Variants in EYS observed in about 807,000 individuals in gnomAD.
EYS encodes protein eyes shut homolog.
EYS carries 250 observed loss-of-function variants against 282.1 expected under a neutral mutation model. That is an observed-to-expected ratio of 0.89 (90% CI 0.80 to 0.98). EYS has a LOEUF of 0.98. EYS is among the 50% of genes least tolerant of loss of function. EYS has a pLI of 0.00. For synonymous variants in EYS, 1,355 were observed against 1,282.9 expected (o/e 1.06, Z -1.20); for missense variants, 4,016 against 3,709.0 (o/e 1.08, Z -2.15).
At chr6:64,969,919 T>C (rs2150110533) in intron 14 of EYS, among the ~76,000 whole-genome samples, 1 of 152,272 alleles carries the variant, frequency 6.6e-6, no homozygotes, top group Middle Eastern at 3.4e-3. Context: ...TCTCATACTA[T>C]GTAAAATTGC....
At chr6:64,511,912 T>C (rs1156781962) in intron 26 of EYS, among the ~76,000 whole-genome samples, 2 of 152,092 alleles carry the variant, frequency 1.3e-5, no homozygotes, top group East Asian at 3.9e-4. Flanking sequence ...GTAAAGAACA[T>C]ATAAATTAAG....
chr6:63,814,461 A>T, intron 36 of EYS, among the ~76,000 whole-genome samples: 1 of 152,176 alleles, frequency 6.6e-6, no homozygotes. Flanking sequence ...GCTCATAATA[A>T]ATTATTCACG....
intron 30 of EYS, among the ~76,000 whole-genome samples, chr6:64,233,971 C>T (rs1337505654): frequency 6.6e-6 from 1 of 152,196 alleles, no homozygotes; most frequent in Non-Finnish European, 1.5e-5. Context: ...TTTACCACTG[C>T]TCAACAGACA....
intron 14 of EYS, among the ~76,000 whole-genome samples, chr6:64,959,492 A>C (rs1358555747): frequency 6.6e-6 from 1 of 152,140 alleles, no homozygotes. Context: ...ACATTAAACC[A>C]CTCATGATAT....
intron 41 of EYS, among the ~76,000 whole-genome samples, chr6:63,745,883 T>C (rs888424983): frequency 6.6e-6 from 1 of 152,150 alleles, no homozygotes; most frequent in African/African-American, 2.4e-5. Context: ...GTAGAATTAG[T>C]ATCCTTATAA....
In EYS at chr6:64,498,665, T is replaced by A. The variant is rs556855449; in HGVS notation, c.5645-59313A>T. On this transcript the variant is annotated intron_variant, in intron 26 of 42. Coordinates refer to ENST00000503581, the MANE Select transcript of EYS (RefSeq NM_001142800.2). ...CAGGCCCTGGTGTGTGATGTTCCCC[T>A]CCCTGTGTCCATGTGTTCTCATTGT... Among the ~76,000 whole-genome samples the A allele has an allele frequency of 9.4e-5, 14 of 148,982 alleles. No individual in the cohort carries two copies. The South Asian group carries it at 2.9e-3, about 31-fold the overall frequency.
intron 12 of EYS, among the ~76,000 whole-genome samples, chr6:65,177,633 T>A (rs996344676): frequency 1.3e-4 from 20 of 151,886 alleles, no homozygotes; most frequent in African/African-American, 4.6e-4. Flanking sequence ...TATACATACA[T>A]AATTATTTTA....
intron 22 of EYS, among the ~76,000 whole-genome samples, chr6:64,759,447 C>T (rs1773088770): frequency 6.6e-6 from 1 of 152,096 alleles, no homozygotes; most frequent in Admixed American, 6.5e-5. Context: ...AATTTGCCTA[C>T]TGTTCTAATG....
chr6:64,899,314 A>C (rs1213864251), intron 18 of EYS, among the ~76,000 whole-genome samples: 1 of 152,178 alleles, frequency 6.6e-6, no homozygotes, highest in Non-Finnish European at 1.5e-5. Context: ...AAAACGACAC[A>C]ACTACATGGA....
At chr6:64,782,171 A>G (rs1303637811) in intron 22 of EYS, among the ~76,000 whole-genome samples, 4 of 152,238 alleles carry the variant, frequency 2.6e-5, no homozygotes, top group African/African-American at 9.6e-5. Context: ...AATGTTGTAG[A>G]AACAAAATAG....
Position 64,801,527 on chromosome 6 carries a change from T to C in EYS, c.3443+11851A>G, listed in dbSNP as rs188195629. ...TTAAAAGAAGAAAAAGCTGCTGAAA[T>C]TGTTATATACTCTGGGTTGATGATA... On this transcript the variant is annotated intron_variant, in intron 22 of 42. Transcript: ENST00000503581. 2.4e-3 allele frequency among the ~76,000 whole-genome samples: 314 copies of C among 132,646 alleles called. 1 individual carries two copies. Among genetic ancestry groups the C allele is most frequent in the Non-Finnish European group, 2.3e-3 (134 of 57,490 alleles). 87.0% of individuals were successfully genotyped at this position (132,646 alleles called of 152,430 possible).
At chr6:64,295,838 G>C (rs916615411) in intron 30 of EYS, among the ~76,000 whole-genome samples, 1 of 152,068 alleles carries the variant, frequency 6.6e-6, no homozygotes, top group Non-Finnish European at 1.5e-5. Context: ...TTTTGGGTAA[G>C]TCATCCACCA....
intron 36 of EYS, among the ~76,000 whole-genome samples, chr6:63,856,035 T>C (rs1772381791): frequency 7.2e-6 from 1 of 137,972 alleles, no homozygotes; most frequent in South Asian, 2.3e-4. Context: ...TTTTTTTTTA[T>C]GTATCACAAA....
At chr6:65,506,737 G>A (rs1463803438) in intron 2 of EYS, among the ~76,000 whole-genome samples, 1 of 151,564 alleles carries the variant, frequency 6.6e-6, no homozygotes, top group East Asian at 1.9e-4. Context: ...TTCACAAAGT[G>A]CTGGGATTAC....
chr6:64,602,618 T>C (rs1448387083), intron 24 of EYS, among the ~76,000 whole-genome samples: 1 of 152,092 alleles, frequency 6.6e-6, no homozygotes, highest in Non-Finnish European at 1.5e-5. Context: ...CATTAAGAAA[T>C]GCTTAATGCT....
intron 35 of EYS, among the ~76,000 whole-genome samples, chr6:63,936,430 C>G (rs749556036): frequency 2.0e-5 from 3 of 152,154 alleles, no homozygotes; most frequent in Non-Finnish European, 4.4e-5. Context: ...ATATAGTGTT[C>G]TACTCTTTAT....
chr6:65,704,531 T>C (rs1769804689), intron 1 of EYS, among the ~76,000 whole-genome samples: 1 of 152,190 alleles, frequency 6.6e-6, no homozygotes, highest in African/African-American at 2.4e-5. Context: ...TGATGGAGAG[T>C]ATATCTCTTC....
chr6:65,673,521 G>A (rs1309459025), intron 1 of EYS, among the ~76,000 whole-genome samples: 1 of 152,072 alleles, frequency 6.6e-6, no homozygotes, highest in African/African-American at 2.4e-5. Flanking sequence ...CTTAGAGAGT[G>A]GCCAAGGGGG....
At chr6:65,396,048 T>C (rs533955257) in intron 7 of EYS, among the ~76,000 whole-genome samples, 1 of 152,342 alleles carries the variant, frequency 6.6e-6, no homozygotes, top group African/African-American at 2.4e-5. Flanking sequence ...TGTGGCTGTG[T>C]AATATTACAT....
Sources: allele counts gnomAD v4.1 joint callset (sites outside exome capture counted in the v4.1 genomes callset), GRCh38; gene constraint gnomAD v4.1.1; transcripts MANE v1.5; gene names NCBI Gene and HGNC (gene_info 2026-07-23, HGNC 2026-07-21).